The following MTMR10 variants were observed in gnomAD, a reference collection of about 807,000 sequenced individuals.
The protein encoded by MTMR10 is myotubularin related protein 10.
In MTMR10, 56 loss-of-function variants were observed where a neutral mutation model predicts 88.1. The observed-to-expected ratio is 0.64, with a 90% confidence interval of 0.51 to 0.79. The LOEUF (loss-of-function observed/expected upper bound fraction) is 0.79, where lower values mean the gene tolerates loss of function less well. Ranked by LOEUF, MTMR10 falls within the 30% of genes least tolerant of loss-of-function variation. MTMR10 has a pLI of 0.00. For synonymous variants in MTMR10, 380 were observed against 340.9 expected (o/e 1.11, Z -1.26); for missense variants, 883 against 924.7 (o/e 0.95, Z 0.58).
Position 30,939,773 on chromosome 15 carries a change from C to T in MTMR10, c.*1697G>A, listed in dbSNP as rs2140979531. The T allele has an allele frequency of 1.0e-6, 1 of 985,174 alleles. No homozygotes were observed. Among genetic ancestry groups the T allele is most frequent in the Non-Finnish European group, 1.2e-6 (1 of 829,738 alleles). 61.0% of individuals were successfully genotyped at this position (985,174 alleles called of 1,614,324 possible). ...AGAATTGTGATTACACTGTCAATGGCAGGATACGCTGTGGTGTTATAAGGA... is the reference window on the plus strand; with the variant it reads ...AGAATTGTGATTACACTGTCAATGGTAGGATACGCTGTGGTGTTATAAGGA... On this transcript the variant is annotated 3_prime_UTR_variant, in exon 16 of 16. Transcript: ENST00000435680.
chr15:30,946,668 G>A, intron 14 of MTMR10: 2 of 692,888 alleles, frequency 2.9e-6, no homozygotes, highest in Non-Finnish European at 5.3e-6. Context: ...TTTCAAGTTT[G>A]GCTTGAGACC....
chr15:30,976,736 C>CG (rs2030180227), intron 3 of MTMR10, 83 bp downstream of exon 3: 2 of 1,424,532 alleles, frequency 1.4e-6, no homozygotes, highest in Non-Finnish European at 9.5e-7. Flanking sequence ...TATAACTTTT[C>CG]CATACCTATG....
chr15:30,979,491 C>T (rs1312274327), intron 2 of MTMR10, among the ~76,000 whole-genome samples: 4 of 151,904 alleles, frequency 2.6e-5, no homozygotes, highest in African/African-American at 4.8e-5. Flanking sequence ...GGCAGGAGAA[C>T]TGCTTGAACC....
In MTMR10 at chr15:30,941,494, A is replaced by G. The variant is rs1796397895; in HGVS notation, c.2310T>C (p.Thr770=). 6.2e-7 allele frequency: 1 copy of G among 1,610,538 alleles called. No individual in the cohort carries two copies. Among genetic ancestry groups the G allele is most frequent in the African/African-American group, 1.3e-5 (1 of 74,836 alleles). The change falls in exon 16 of 16, where the codon ACT becomes ACC. Residue 770 remains threonine (T), a synonymous_variant. Transcript: ENST00000435680. ...TTTAGTCTTCATTTGCTAATGTCTC[A>G]GTAGACAACCATATTTTGGCCCCAC... The part of the protein sequence containing the change: ...FLSGAKIWLS[T]ETLANED
intron 14 of MTMR10, among the ~76,000 whole-genome samples, chr15:30,945,558 G>C (rs531296093): frequency 6.6e-6 from 1 of 152,144 alleles, no homozygotes; most frequent in South Asian, 2.1e-4. Flanking sequence ...CACTGTGTGC[G>C]CACGGGGTAG....
chr15:30,928,085 G>T, the MTMR10 span: 1 of 1,001,128 alleles, frequency 1.0e-6, no homozygotes, highest in African/African-American at 1.7e-5. Flanking sequence ...AAGAACGGAG[G>T]TGGCTGCTGC....
intron 3 of MTMR10, among the ~76,000 whole-genome samples, chr15:30,976,544 C>G (rs576420497): frequency 6.6e-6 from 1 of 152,276 alleles, no homozygotes; most frequent in Admixed American, 6.5e-5. Context: ...AGATCTGCAA[C>G]AGAGGGAATA....
intron 1 of MTMR10, 120 bp from the exon 2 acceptor site, chr15:30,990,957 A>G: frequency 1.3e-6 from 1 of 782,468 alleles, no homozygotes; most frequent in Admixed American, 2.8e-5. Flanking sequence ...CCCCATTTAA[A>G]TTCTTTCGCA....
the MTMR10 span, chr15:30,927,478 G>A: frequency 4.1e-6 from 4 of 985,584 alleles, no homozygotes; most frequent in Admixed American, 6.1e-5. Flanking sequence ...AGGACAGAGA[G>A]CAGCACAGCC....
At chr15:30,944,337 G>GCAGGCGGATCACGAGGT (rs1209783736) in intron 14 of MTMR10, among the ~76,000 whole-genome samples, 1 of 152,150 alleles carries the variant, frequency 6.6e-6, no homozygotes, top group South Asian at 2.1e-4. Flanking sequence ...GAGGCCGAAG[G>GCAGGCGGATCACGAGGT]CAGGCGGATC....
At chr15:30,927,582 G>A in the MTMR10 span, 2 of 985,424 alleles carry the variant, frequency 2.0e-6, no homozygotes, top group African/African-American at 3.5e-5. Context: ...CACTCACTGT[G>A]GTACCACGCA....
intron 15 of MTMR10, chr15:30,942,630 T>TA (rs1200398598): frequency 4.5e-6 from 2 of 443,272 alleles, no homozygotes; most frequent in African/African-American, 4.0e-5. Flanking sequence ...AAGAAATGGA[T>TA]AAATGGGGCT....
At chr15:30,951,796 G>C (rs1265442368) in intron 12 of MTMR10, among the ~76,000 whole-genome samples, 172 bp downstream of exon 12, 1 of 152,202 alleles carries the variant, frequency 6.6e-6, no homozygotes, top group African/African-American at 2.4e-5. Flanking sequence ...ACTGCGCCCA[G>C]CCTGTGCCAC....
At chr15:30,922,553 CT>C in the MTMR10 span, among the ~76,000 whole-genome samples, 1 of 152,128 alleles carries the variant, frequency 6.6e-6, no homozygotes, top group South Asian at 2.1e-4. Flanking sequence ...AGACTGGAAG[CT>C]TTTGTCTTCT....
At chr15:30,976,448 T>A (rs1017141037) in intron 3 of MTMR10, among the ~76,000 whole-genome samples, 2 of 152,060 alleles carry the variant, frequency 1.3e-5, no homozygotes, top group Non-Finnish European at 2.9e-5. Context: ...CAAAAAAACC[T>A]ATGAAATCAC....
downstream of MTMR10, among the ~76,000 whole-genome samples, chr15:30,934,170 A>AC (rs999532078): frequency 1.0e-4 from 15 of 149,616 alleles, no homozygotes; most frequent in African/African-American, 2.0e-4. Context: ...TTATGCAGTG[A>AC]CCCCCCCTTT....
At chr15:30,979,424 G>A (rs1037238326) in intron 2 of MTMR10, among the ~76,000 whole-genome samples, 4 of 151,736 alleles carry the variant, frequency 2.6e-5, no homozygotes, top group Non-Finnish European at 5.9e-5. Context: ...AGCCAGGCGT[G>A]GTGGTGCGCC....
In MTMR10 at chr15:30,941,329, A is replaced by G. The variant is rs2063044353; in HGVS notation, c.*141T>C. 1.3e-6 allele frequency: 2 copies of G among 1,532,204 alleles called. No individual in the cohort carries two copies. The highest frequency in any genetic ancestry group is 2.0e-5 in the Admixed American group (1 of 50,634). 94.9% of individuals were successfully genotyped at this position (1,532,204 alleles called of 1,614,324 possible). A position where few individuals can be genotyped will look rare whatever the true frequency, so the allele number is the denominator to read the frequency against. On this transcript the variant is annotated 3_prime_UTR_variant, in exon 16 of 16. Transcript: ENST00000435680. Reference sequence around the variant, plus strand: ...AAGTGTGAAAGAAGCATGATTCAACATGTTTTTAAATATTAGTGCAAATTC... The same window carrying G: ...AAGTGTGAAAGAAGCATGATTCAACGTGTTTTTAAATATTAGTGCAAATTC...
rs770121184 is a variant in MTMR10 at position 30,941,431 on chromosome 15, T to C, written c.*39A>G. 96 of 1,569,730 alleles carry C rather than the reference T, an allele frequency of 6.1e-5. No individual in the cohort carries two copies. Among genetic ancestry groups the C allele is most frequent in the Non-Finnish European group, 8.1e-5 (94 of 1,160,222 alleles). On this transcript the variant is annotated 3_prime_UTR_variant, in exon 16 of 16. Coordinates refer to ENST00000435680, the MANE Select transcript of MTMR10 (RefSeq NM_017762.3). ...GCAATGTTAATTCAGAGGAAAAAAGTTGACAGCTTCCCTCAAAATGTTCAG... is the reference window on the plus strand; with the variant it reads ...GCAATGTTAATTCAGAGGAAAAAAGCTGACAGCTTCCCTCAAAATGTTCAG...
Sources: gnomAD v4.1 joint callset for allele counts (sites outside exome capture counted in the v4.1 genomes callset) on GRCh38, gnomAD v4.1.1 for gene constraint, MANE v1.5 for transcripts, NCBI Gene and HGNC (gene_info 2026-07-23, HGNC 2026-07-21) for gene names.